PACRG: variants seen among roughly 807,000 people sequenced by gnomAD.
The protein encoded by PACRG is parkin coregulated gene protein.
PACRG carries 29 observed loss-of-function variants against 29.7 expected under a neutral mutation model. The observed-to-expected ratio is 0.98, with a 90% CI of 0.73 to 1.33. The LOEUF (loss-of-function observed/expected upper bound fraction) is 1.33, where lower values mean the gene tolerates loss of function less well. Among genes scored for constraint, PACRG ranks in the 40% most tolerant of loss-of-function variants. PACRG has a pLI of 0.00. For missense variants in PACRG, 279 were observed against 316.2 expected (o/e 0.88, Z 0.89); for synonymous variants, 116 against 118.7 (o/e 0.98, Z 0.15).
intron 4 of PACRG, among the ~76,000 whole-genome samples, chr6:163,120,615 G>A (rs1188759222): frequency 6.6e-6 from 1 of 152,082 alleles, no homozygotes; most frequent in Non-Finnish European, 1.5e-5. Context: ...CTATGTGCAA[G>A]GCAGAAATCT....
At chr6:163,200,548 A>C (rs1049780734) in intron 4 of PACRG, among the ~76,000 whole-genome samples, 14 of 152,154 alleles carry the variant, frequency 9.2e-5, no homozygotes, top group African/African-American at 3.1e-4. Flanking sequence ...CACAGCCATG[A>C]GTGGGAGAGG....
intron 4 of PACRG, among the ~76,000 whole-genome samples, chr6:163,272,242 T>C (rs1237453242): frequency 1.3e-5 from 2 of 152,162 alleles, no homozygotes. Flanking sequence ...TTTCCCCATG[T>C]TGGTCAGGCT....
intron 2 of PACRG, among the ~76,000 whole-genome samples, chr6:162,962,556 G>C (rs9458688): frequency 0.16 from 23,605 of 151,954 alleles, 3,214 homozygotes; most frequent in African/African-American, 0.36. Flanking sequence ...GATGGGATTT[G>C]TGTTCTTATG....
At chr6:163,259,346 T>C (rs1004562529) in intron 4 of PACRG, among the ~76,000 whole-genome samples, 13 of 152,202 alleles carry the variant, frequency 8.5e-5, no homozygotes, top group Admixed American at 7.9e-4. Flanking sequence ...CCAATGCCAC[T>C]TCCTAACAAT....
chr6:163,185,128 A>G (rs539843445), intron 4 of PACRG, among the ~76,000 whole-genome samples: 100 of 152,258 alleles, frequency 6.6e-4, no homozygotes, highest in Non-Finnish European at 1.1e-3. Context: ...GTAGCCAGGG[A>G]TGGGGAAAGG....
At chr6:163,013,262 GTTTATTTATTTA>G (rs145596005) in intron 2 of PACRG, among the ~76,000 whole-genome samples, 1 of 150,096 alleles carries the variant, frequency 6.7e-6, no homozygotes, top group Non-Finnish European at 1.5e-5. Context: ...TTGACTTAAA[GTTTATTTATTTA>G]TTTATTTATT....
At chr6:163,116,502 A>T (rs1045348821) in intron 4 of PACRG, among the ~76,000 whole-genome samples, 5 of 152,064 alleles carry the variant, frequency 3.3e-5, no homozygotes, top group Non-Finnish European at 7.3e-5. Context: ...ATATATTTGG[A>T]GTGATTGAGA....
intron 1 of PACRG, among the ~76,000 whole-genome samples, chr6:162,774,415 G>C (rs1171322165): frequency 6.6e-6 from 1 of 152,132 alleles, no homozygotes; most frequent in African/African-American, 2.4e-5. Context: ...CATAAATCAG[G>C]AATAGTTAAC....
At chr6:162,957,397 T>G in intron 2 of PACRG, 1 of 593,240 alleles carries the variant, frequency 1.7e-6, no homozygotes, top group South Asian at 2.0e-5. Context: ...CATAAGAACT[T>G]TAGGTCTCAC....
chr6:163,144,724 A>C (rs955146744), intron 4 of PACRG, among the ~76,000 whole-genome samples: 4 of 152,102 alleles, frequency 2.6e-5, no homozygotes, highest in African/African-American at 9.7e-5. Flanking sequence ...AGCCAAGATC[A>C]CGCCACTGCA....
chr6:162,807,086 T>C (rs1786409857), intron 1 of PACRG, among the ~76,000 whole-genome samples: 1 of 152,232 alleles, frequency 6.6e-6, no homozygotes, highest in Admixed American at 6.5e-5. Flanking sequence ...TTCACACTTT[T>C]CTTCTGAAGC....
intron 4 of PACRG, among the ~76,000 whole-genome samples, chr6:163,153,110 G>A (rs1191801535): frequency 6.6e-6 from 1 of 152,206 alleles, no homozygotes; most frequent in East Asian, 1.9e-4. Context: ...GTATTTAAAT[G>A]TTGGGTAGAA....
chr6:162,841,575 G>C (rs79965797), intron 2 of PACRG, among the ~76,000 whole-genome samples: 1 of 151,004 alleles, frequency 6.6e-6, no homozygotes, highest in East Asian at 2.0e-4. Context: ...TTTTGAAAGG[G>C]TTTTTGTGTC....
chr6:163,051,670 T>A (rs1335474444), intron 2 of PACRG: 2 of 152,204 alleles, frequency 1.3e-5, no homozygotes, highest in Non-Finnish European at 2.9e-5. Flanking sequence ...CTCGGATTAG[T>A]TCCCTTCTCT....
At chr6:163,095,781 A>G (rs1055226650) in intron 4 of PACRG, among the ~76,000 whole-genome samples, 1 of 152,270 alleles carries the variant, frequency 6.6e-6, no homozygotes, top group East Asian at 1.9e-4. Flanking sequence ...CAATACTCCA[A>G]TATTACTTTA....
chr6:162,949,227 A>G (rs1193934829), intron 2 of PACRG, among the ~76,000 whole-genome samples: 2 of 152,180 alleles, frequency 1.3e-5, no homozygotes, highest in Non-Finnish European at 2.9e-5. Context: ...GGAGGTCATT[A>G]TGTTAAGTGA....
chr6:162,920,263 C>T (rs533771567), intron 2 of PACRG, among the ~76,000 whole-genome samples: 1 of 152,228 alleles, frequency 6.6e-6, no homozygotes, highest in East Asian at 1.9e-4. Context: ...GGACCTTGCA[C>T]AATTAATTAA....
chr6:162,745,604 T>C (rs980062858), intron 1 of PACRG, among the ~76,000 whole-genome samples: 1 of 152,178 alleles, frequency 6.6e-6, no homozygotes. Flanking sequence ...TGAGGACACA[T>C]ACTTGACCAG....
At position 163,180,219 on chromosome 6, in the gene PACRG, C is replaced by T. The variant is rs74851091; in HGVS notation, c.613+90811C>T. Among the ~76,000 whole-genome samples the T allele has an allele frequency of 9.0e-3, 1,367 of 152,302 alleles. 22 individuals carry two copies. The highest frequency in any genetic ancestry group is 0.032 in the African/African-American group (1,310 of 41,552). On this transcript the variant is annotated intron_variant, in intron 4 of 4. Coordinates refer to ENST00000366888, the MANE Select transcript of PACRG (RefSeq NM_001080379.2). The stretch of plus-strand genomic sequence containing the variant: ...CTGGTTTTGATGCATTTCCTAGGCA[C>T]GCCCACTTCTCCAGTAGAAAGCCAG...
Sources: gnomAD v4.1 joint callset for allele counts (sites outside exome capture counted in the v4.1 genomes callset) on GRCh38, gnomAD v4.1.1 for gene constraint, MANE v1.5 for transcripts, NCBI Gene and HGNC (gene_info 2026-07-23, HGNC 2026-07-21) for gene names.